The following ZNF831 variants were observed in gnomAD, a reference collection of about 807,000 sequenced individuals.
ZNF831 encodes the protein chromosome 20 open reading frame 174.
A neutral mutation model predicts 95.8 loss-of-function variants in ZNF831; 59 were observed. The observed-to-expected ratio is 0.62, with a 90% CI of 0.50 to 0.77. The LOEUF (loss-of-function observed/expected upper bound fraction) is 0.77. Among genes scored for constraint, ZNF831 ranks in the 30% least tolerant of loss-of-function variants. ZNF831 has a pLI of 0.00. For missense variants in ZNF831, 2,205 were observed against 2,164.0 expected (o/e 1.02, Z -0.38); for synonymous variants, 961 against 925.5 (o/e 1.04, Z -0.70).
chr20:59,134,644 C>A (rs1466346564), intron 1 of ZNF831, among the ~76,000 whole-genome samples: 1 of 152,212 alleles, frequency 6.6e-6, no homozygotes, highest in African/African-American at 2.4e-5. Flanking sequence ...GTCGTCTTGG[C>A]TCAAGACACT....
intron 1 of ZNF831, among the ~76,000 whole-genome samples, chr20:59,165,132 T>C (rs1981153911): frequency 6.6e-6 from 1 of 152,204 alleles, no homozygotes. Flanking sequence ...TTAGCTGTGC[T>C]TCCGCTGGGA....
At chr20:59,243,275 C>T (rs928711253) in intron 4 of ZNF831, among the ~76,000 whole-genome samples, 1 of 152,172 alleles carries the variant, frequency 6.6e-6, no homozygotes, top group African/African-American at 2.4e-5. Flanking sequence ...AAGTTATCAA[C>T]GCAGCTGCCT....
In ZNF831 at chr20:59,207,041, T is replaced by A. The variant is rs200514661; in HGVS notation, c.4012T>A (p.Ser1338Thr). Residue 1338 changes from serine (S) to threonine (T), a missense_variant, in exon 4 of 6, where the codon TCT becomes ACT. Coordinates refer to ENST00000371030, the MANE Select transcript of ZNF831 (RefSeq NM_178457.3). ...LKPCRTPGQT[S>T]SEIAGLNLQE... ...GCCATGCAGGACCCCTGGGCAGACC[T>A]CTTCAGAAATAGCAGGTAATGCTCT... is the stretch of plus-strand genomic sequence containing the variant. 2.5e-6 allele frequency: 4 copies of A among 1,613,934 alleles called. No individual in the cohort carries two copies. Among genetic ancestry groups the A allele is most frequent in the African/African-American group, 1.3e-5 (1 of 74,998 alleles).
intron 4 of ZNF831, among the ~76,000 whole-genome samples, chr20:59,245,717 G>A (rs1460059911): frequency 6.6e-6 from 1 of 152,174 alleles, no homozygotes; most frequent in Non-Finnish European, 1.5e-5. Context: ...TTCAAAGACT[G>A]TTCCTGGGCA....
At position 59,258,801 on chromosome 20, in the gene ZNF831, T is replaced by C. The variant is rs1292213653; in HGVS notation, c.*4058T>C. Reference sequence around the variant, plus strand: ...TCTTATGTGCTGGATTTCTACCCTGTATGATTCTTTTCATCCATGCTTTGC... The same window carrying C: ...TCTTATGTGCTGGATTTCTACCCTGCATGATTCTTTTCATCCATGCTTTGC... On this transcript the variant is annotated 3_prime_UTR_variant, in exon 6 of 6. Coordinates refer to ENST00000371030, the MANE Select transcript of ZNF831 (RefSeq NM_178457.3). The C allele has an allele frequency of 6.6e-6, 1 of 152,234 alleles. No homozygotes were observed. Among genetic ancestry groups the C allele is most frequent in the African/African-American group, 2.4e-5 (1 of 41,462 alleles). The allele number at this position is 152,234 out of a possible 1,614,324, so 9.4% of individuals were successfully genotyped here. A position where few individuals can be genotyped will look rare whatever the true frequency, so the allele number is the denominator to read the frequency against.
intron 1 of ZNF831, among the ~76,000 whole-genome samples, chr20:59,137,816 C>T (rs1036841233): frequency 6.6e-5 from 10 of 152,168 alleles, no homozygotes; most frequent in African/African-American, 2.4e-4. Flanking sequence ...CCTACTCTGA[C>T]CCTGTGTCAC....
intron 1 of ZNF831, among the ~76,000 whole-genome samples, chr20:59,172,339 C>T (rs1476142729): frequency 6.6e-6 from 1 of 152,198 alleles, no homozygotes; most frequent in Non-Finnish European, 1.5e-5. Context: ...GCCACTTGGT[C>T]CTCTGCTATT....
At chr20:59,155,934 C>T (rs1980513793) in intron 2 of ZNF831, among the ~76,000 whole-genome samples, 1 of 151,906 alleles carries the variant, frequency 6.6e-6, no homozygotes. Context: ...GTTGTGTGCT[C>T]CCCCTCATGC....
rs917640919 is a variant in ZNF831, at chr20:59,217,304, G to A, written c.4027+10248G>A. Among the ~76,000 whole-genome samples, 7 of 152,222 alleles carry A rather than the reference G, an allele frequency of 4.6e-5. No individual in the cohort carries two copies. The highest frequency in any genetic ancestry group is 8.8e-5 in the Non-Finnish European group (6 of 68,034). The stretch of plus-strand genomic sequence containing the variant: ...ACATGTAGCTCTGTCTCAACTTCCT[G>A]AGCAGGGACAGAGTCCCTCTGGGTG... On this transcript the variant is annotated intron_variant, in intron 4 of 5. Coordinates refer to ENST00000371030, the MANE Select transcript of ZNF831 (RefSeq NM_178457.3). This position sits in a 1 kb window ranked among gnomAD's most constrained non-coding sequence, Gnocchi z 4.4.
At position 59,192,368 on chromosome 20, in the gene ZNF831, A is replaced by G. The variant is rs774336482; in HGVS notation, c.1349A>G (p.Asp450Gly). ...IDLPTPYTYKDSFHFDIRALE... is the reference protein window; with the variant it reads ...IDLPTPYTYKGSFHFDIRALE... The stretch of plus-strand genomic sequence containing the variant: ...CTGCCCACGCCCTACACCTACAAGG[A>G]CTCCTTCCACTTTGACATCCGCGCG... Residue 450 changes from aspartate (D) to glycine (G), a missense_variant, in exon 2 of 6, where the codon GAC becomes GGC. Transcript: ENST00000371030. This position sits in a 1 kb window ranked among gnomAD's most constrained non-coding sequence, Gnocchi z 5.2. The G allele has an allele frequency of 6.2e-7, 1 of 1,610,660 alleles. No homozygotes were observed. The highest frequency in any genetic ancestry group is 1.3e-5 in the African/African-American group (1 of 74,440).
At position 59,192,427 on chromosome 20, in the gene ZNF831, G is replaced by A. The variant is rs780396810; in HGVS notation, c.1408G>A (p.Val470Met). 6 of 1,609,070 alleles carry A rather than the reference G, an allele frequency of 3.7e-6. No individual in the cohort carries two copies. The highest frequency in any genetic ancestry group is 1.7e-5 in the Admixed American group (1 of 59,404). Residue 470 changes from valine (V) to methionine (M), a missense_variant, in exon 2 of 6, where the codon GTG becomes ATG. Physicochemically the swap from Val to Met is conservative, Grantham distance 21. Transcript: ENST00000371030. This position sits in a 1 kb window ranked among gnomAD's most constrained non-coding sequence, Gnocchi z 5.2. ...EPGRRRAPGP[V>M]RSTWTPPDKS... ...AGGCCGTAGGAGGGCCCCGGGCCCCGTGCGCTCCACCTGGACGCCCCCAGA... is the reference window on the plus strand; with the variant it reads ...AGGCCGTAGGAGGGCCCCGGGCCCCATGCGCTCCACCTGGACGCCCCCAGA...
At chr20:59,124,835 T>C (rs1979119026) in intron 1 of ZNF831, among the ~76,000 whole-genome samples, 1 of 152,128 alleles carries the variant, frequency 6.6e-6, no homozygotes, top group African/African-American at 2.4e-5. Context: ...TGGTGGAACC[T>C]CTAGTTGGTT....
chr20:59,212,210 A>C (rs1443840465), intron 4 of ZNF831, among the ~76,000 whole-genome samples: 4 of 152,212 alleles, frequency 2.6e-5, no homozygotes, highest in Non-Finnish European at 1.5e-5. Context: ...ATTTTTAAAA[A>C]AGATGTTTAA....
intron 2 of ZNF831, chr20:59,146,527 A>C (rs1568725047): frequency 6.6e-6 from 1 of 152,260 alleles, no homozygotes; most frequent in African/African-American, 2.4e-5. Context: ...ACACGCAGTT[A>C]TCTCTGACAC....
chr20:59,223,224 A>G (rs1359288391), intron 4 of ZNF831, among the ~76,000 whole-genome samples: 3 of 152,116 alleles, frequency 2.0e-5, no homozygotes, highest in Non-Finnish European at 4.4e-5. Flanking sequence ...GAGGTGCCGA[A>G]GGCTCTATTG....
rs755072685 is a variant in ZNF831, at chr20:59,191,159, G to A, written c.140G>A (p.Gly47Asp). 1.2e-6 allele frequency: 2 copies of A among 1,602,096 alleles called. No individual in the cohort carries two copies. Among genetic ancestry groups the A allele is most frequent in the South Asian group, 1.1e-5 (1 of 90,462 alleles). The change falls in exon 2 of 6, where the codon GGC becomes GAC. Residue 47 changes from glycine to aspartate, a missense_variant. Coordinates refer to ENST00000371030, the MANE Select transcript of ZNF831 (RefSeq NM_178457.3). ...LGPVLLPPEQ[G>D]LAPPTVFLKA... is the part of the protein sequence containing the mutation. ...CCTGTCCTTCTGCCGCCAGAGCAGG[G>A]CCTGGCCCCCCCCACTGTGTTCCTG...
intron 1 of ZNF831, among the ~76,000 whole-genome samples, chr20:59,189,520 T>C (rs1246730283): frequency 2.6e-5 from 4 of 152,198 alleles, no homozygotes; most frequent in Non-Finnish European, 4.4e-5. Context: ...TTTTTATTTA[T>C]ATATTTTTTG....
At chr20:59,143,089 G>T (rs1979732830) in intron 1 of ZNF831, among the ~76,000 whole-genome samples, 1 of 152,132 alleles carries the variant, frequency 6.6e-6, no homozygotes. Context: ...TGTAGAGATG[G>T]GGTCTCGCTC....
chr20:59,236,206 C>G (rs985362792), intron 4 of ZNF831, among the ~76,000 whole-genome samples: 1 of 152,210 alleles, frequency 6.6e-6, no homozygotes, highest in Non-Finnish European at 1.5e-5. Context: ...TTCTCTGCCT[C>G]TGTGCAGCCA....
Sources: allele counts gnomAD v4.1 joint callset (sites outside exome capture counted in the v4.1 genomes callset), GRCh38; gene constraint gnomAD v4.1.1; non-coding constraint Gnocchi (gnomAD v3.1); transcripts MANE v1.5; gene names NCBI Gene and HGNC (gene_info 2026-07-23, HGNC 2026-07-21).